Variants in CTNNBL1 observed in about 807,000 individuals in gnomAD.
The protein encoded by CTNNBL1 is catenin beta like 1.
Under a neutral mutation model 72.7 loss-of-function variants are expected in CTNNBL1, and 31 were observed. That is an observed-to-expected ratio of 0.43 (90% CI 0.32 to 0.58). The LOEUF is 0.58. Ranked by LOEUF, CTNNBL1 falls within the 20% of genes least tolerant of loss-of-function variation. CTNNBL1 has a pLI of 0.08. For missense variants in CTNNBL1, 534 were observed against 725.1 expected (o/e 0.74, Z 3.03); for synonymous variants, 240 against 267.3 (o/e 0.90, Z 1.00).
At chr20:37,802,513 CAATA>C (rs1255389230) in intron 10 of CTNNBL1, among the ~76,000 whole-genome samples, 1 of 152,108 alleles carries the variant, frequency 6.6e-6, no homozygotes, top group African/African-American at 2.4e-5. Flanking sequence ...CGAATTGTCT[CAATA>C]AAGCTGTTAA....
At chr20:37,863,386 T>C (rs1398519988) in intron 15 of CTNNBL1, among the ~76,000 whole-genome samples, 1 of 152,154 alleles carries the variant, frequency 6.6e-6, no homozygotes, top group Non-Finnish European at 1.5e-5. Context: ...GTTCACAGTC[T>C]AGGGGGAGAG....
intron 13 of CTNNBL1, among the ~76,000 whole-genome samples, chr20:37,855,318 C>A (rs114163985): frequency 0.015 from 2,339 of 152,180 alleles, 61 homozygotes; most frequent in African/African-American, 0.05. Context: ...ACCCCACCCC[C>A]CAAATAGACT....
At chr20:37,769,699 T>TGG (rs757752305) in intron 7 of CTNNBL1, among the ~76,000 whole-genome samples, 2 of 152,198 alleles carry the variant, frequency 1.3e-5, no homozygotes, top group Non-Finnish European at 2.9e-5. Flanking sequence ...GCTTATATGC[T>TGG]ATTGAAATGG....
At chr20:37,823,002 A>G (rs1231425450) in intron 11 of CTNNBL1, among the ~76,000 whole-genome samples, 1 of 152,246 alleles carries the variant, frequency 6.6e-6, no homozygotes, top group Non-Finnish European at 1.5e-5. Flanking sequence ...GGAGAAAATG[A>G]CGATGGCAAC....
chr20:37,860,664 G>A (rs1427862745), intron 15 of CTNNBL1, among the ~76,000 whole-genome samples: 2 of 152,134 alleles, frequency 1.3e-5, no homozygotes, highest in African/African-American at 4.8e-5. Flanking sequence ...GAAGGAAATT[G>A]CTTTCTTAGG....
At chr20:37,777,499 T>G (rs1168802866) in intron 8 of CTNNBL1, 82 bp downstream of exon 8, 3 of 1,465,576 alleles carry the variant, frequency 2.0e-6, no homozygotes, top group African/African-American at 1.4e-5. Flanking sequence ...CTCTCTTGCC[T>G]TTGGCATCCC....
chr20:37,770,839 A>G (rs983899415), intron 7 of CTNNBL1, among the ~76,000 whole-genome samples: 1 of 152,248 alleles, frequency 6.6e-6, no homozygotes, highest in Non-Finnish European at 1.5e-5. Flanking sequence ...TGTGCTGCCC[A>G]GGCTTAATTA....
rs1426469222 is a variant in CTNNBL1, at chr20:37,871,942, G to C, written c.1621G>C (p.Gly541Arg). 6.2e-6 allele frequency: 10 copies of C among 1,613,986 alleles called. No homozygotes were observed. Among genetic ancestry groups the C allele is most frequent in the Non-Finnish European group, 8.5e-6 (10 of 1,179,930 alleles). The change falls in exon 16 of 16, where the codon GGG (glycine) becomes CGG (arginine). Residue 541 changes from glycine (G) to arginine (R), a missense_variant. Coordinates refer to ENST00000361383, the MANE Select transcript of CTNNBL1 (RefSeq NM_030877.5). ...CCCCCTAGAGTATGCAGAGAACATC[G>C]GGGACGGCCGGAGCCCGGAGTTCCG... ...HIIKEYAENI[G>R]DGRSPEFREN...
In CTNNBL1 at chr20:37,772,583, T is replaced by C. The variant is rs576486689; in HGVS notation, c.750+4539T>C. On this transcript the variant is annotated intron_variant, in intron 7 of 15. Coordinates refer to ENST00000361383, the MANE Select transcript of CTNNBL1 (RefSeq NM_030877.5). Reference sequence around the variant, plus strand: ...CAGGATGGTATCGATCTCCTGACCTTGTGATCCGCCCGCCTTGGCCTCCCA... The same window carrying C: ...CAGGATGGTATCGATCTCCTGACCTCGTGATCCGCCCGCCTTGGCCTCCCA... Among the ~76,000 whole-genome samples the C allele has an allele frequency of 3.9e-5, 6 of 152,180 alleles. No homozygotes were observed. The East Asian group carries it at 5.8e-4, about 15-fold the overall frequency.
intron 13 of CTNNBL1, among the ~76,000 whole-genome samples, chr20:37,854,090 A>G (rs1486029967): frequency 2.6e-5 from 4 of 152,248 alleles, no homozygotes; most frequent in Non-Finnish European, 4.4e-5. Flanking sequence ...TCATGTGGCC[A>G]TATGGCTAAA....
At chr20:37,721,168 T>C (rs534763033) in intron 1 of CTNNBL1, among the ~76,000 whole-genome samples, 1 of 152,348 alleles carries the variant, frequency 6.6e-6, no homozygotes, top group South Asian at 2.1e-4. Context: ...GATTCCATTA[T>C]TGATTTTTCC....
chr20:37,841,495 G>A (rs1447333429), intron 12 of CTNNBL1, among the ~76,000 whole-genome samples: 2 of 152,124 alleles, frequency 1.3e-5, no homozygotes, highest in Non-Finnish European at 2.9e-5. Context: ...CATCAGTGTT[G>A]GCTAAAGAAG....
chr20:37,757,413 C>G, intron 4 of CTNNBL1, 146 bp from the exon 5 acceptor site: 1 of 529,710 alleles, frequency 1.9e-6, no homozygotes, highest in Non-Finnish European at 3.4e-6. Flanking sequence ...GTGGGTAGAA[C>G]CTTGTTGAAG....
chr20:37,817,199 A>G (rs1568794222), intron 11 of CTNNBL1, among the ~76,000 whole-genome samples: 1 of 152,202 alleles, frequency 6.6e-6, no homozygotes. Context: ...TCTCTTAAGG[A>G]GACGTCGGAG....
intron 7 of CTNNBL1, among the ~76,000 whole-genome samples, chr20:37,773,977 A>G (rs1316951346): frequency 1.6e-5 from 2 of 127,890 alleles, no homozygotes; most frequent in African/African-American, 3.1e-5. Context: ...TGTTGGTGCC[A>G]TCACTACTCA....
At chr20:37,809,754 G>A (rs957472033) in intron 11 of CTNNBL1, among the ~76,000 whole-genome samples, 1 of 152,134 alleles carries the variant, frequency 6.6e-6, no homozygotes, top group Non-Finnish European at 1.5e-5. Flanking sequence ...AGTTATTAGG[G>A]ACAGATGGCA....
rs1218017039 is a variant in CTNNBL1 at position 37,803,048 on chromosome 20, G to A, written c.1213G>A (p.Glu405Lys). Residue 405 changes from glutamate (E) to lysine (K), a missense_variant and splice_region_variant, in exon 11 of 16, where the codon GAG becomes AAG. Glu to Lys is a moderately conservative substitution (Grantham distance 56). Coordinates refer to ENST00000361383, the MANE Select transcript of CTNNBL1 (RefSeq NM_030877.5). ...GGGAACCACTGAGAAGGAACATGAA[G>A]GTAGGGTTCACTGGAGGAGTCAGCC... ...KVGTTEKEHEEHVCSILASLL... is the reference protein window; with the variant it reads ...KVGTTEKEHEKHVCSILASLL... 1 of 1,612,972 alleles carries A rather than the reference G, an allele frequency of 6.2e-7. No individual in the cohort carries two copies. The highest frequency in any genetic ancestry group is 8.5e-7 in the Non-Finnish European group (1 of 1,179,372).
In CTNNBL1 at chr20:37,746,611, T is replaced by C. The variant is rs1163030432; in HGVS notation, c.466+4T>C. ...TTGCTCGGACACGATAATACAGATA[T>C]CCTTTCAGATCTGACCTCAGTAGGA... On this transcript the variant is annotated splice_donor_region_variant and intron_variant, in intron 4 of 15. Coordinates refer to ENST00000361383, the MANE Select transcript of CTNNBL1 (RefSeq NM_030877.5). The C allele has an allele frequency of 2.5e-6, 4 of 1,614,018 alleles. No homozygotes were observed. The highest frequency in any genetic ancestry group is 1.1e-5 in the South Asian group (1 of 91,074).
intron 4 of CTNNBL1, among the ~76,000 whole-genome samples, chr20:37,748,558 G>T (rs776901441): frequency 2.6e-5 from 4 of 152,178 alleles, no homozygotes; most frequent in Non-Finnish European, 4.4e-5. Context: ...CAGTCAGTAA[G>T]TATATATTGG....
Sources: gnomAD v4.1 joint callset for allele counts (sites outside exome capture counted in the v4.1 genomes callset) on GRCh38, gnomAD v4.1.1 for gene constraint, MANE v1.5 for transcripts, NCBI Gene and HGNC (gene_info 2026-07-23, HGNC 2026-07-21) for gene names.